Variants in HDAC7 observed in about 807,000 individuals in gnomAD.
HDAC7 encodes the protein histone deacetylase 7.
In HDAC7, 26 loss-of-function variants were observed where a neutral mutation model predicts 115.5. The observed-to-expected ratio is 0.23, with a 90% CI of 0.16 to 0.31. The LOEUF (loss-of-function observed/expected upper bound fraction) is 0.31, where lower values mean the gene tolerates loss of function less well. HDAC7 is among the 10% of genes least tolerant of loss of function. HDAC7 has a pLI of 1.00. For missense variants in HDAC7, 1,068 were observed against 1,329.0 expected, an observed-to-expected ratio of 0.80 and a Z score of 3.05; for synonymous variants, 564 against 550.9, an observed-to-expected ratio of 1.02 and a Z score of -0.33.
chr12:47,816,626 T>G (rs1158291563), intron 1 of HDAC7, among the ~76,000 whole-genome samples: 2 of 152,200 alleles, frequency 1.3e-5, no homozygotes, highest in Non-Finnish European at 2.9e-5. Flanking sequence ...GAATTTATTT[T>G]GCCTCTGGGA....
chr12:47,797,171 CCCCA>C lies in HDAC7; in HGVS notation c.578-33_578-30del. On this transcript the variant is annotated intron_variant, in intron 6 of 25. Transcript: ENST00000080059. The surrounding 1 kb of genome is among the most constrained non-coding windows in gnomAD (Gnocchi z 5.5). Reference sequence around the variant, plus strand: ...CAGGGAGCACCAGCGTCACTCAGGCCCCCACCACCCTTCTTTTTTCCACCCTTTA... The same window carrying C: ...CAGGGAGCACCAGCGTCACTCAGGCCCCACCCTTCTTTTTTCCACCCTTTA... 1 of 1,565,408 alleles carries C rather than the reference CCCCA, an allele frequency of 6.4e-7. No homozygotes were observed. Among genetic ancestry groups the C allele is most frequent in the Non-Finnish European group, 8.7e-7 (1 of 1,154,912 alleles).
chr12:47,815,250 C>T (rs918910983), intron 1 of HDAC7, among the ~76,000 whole-genome samples: 1 of 152,120 alleles, frequency 6.6e-6, no homozygotes, highest in South Asian at 2.1e-4. Context: ...GCCAGGACCC[C>T]AGAGGAAAGA....
chr12:47,810,265 C>T (rs1223860432), intron 1 of HDAC7, among the ~76,000 whole-genome samples: 1 of 152,196 alleles, frequency 6.6e-6, no homozygotes, highest in Non-Finnish European at 1.5e-5. Context: ...TTATTATTCT[C>T]ATTTTGCAAA....
At chr12:47,787,691 C>A (rs2136915696) in intron 21 of HDAC7, 21 bp downstream of exon 21, 1 of 1,575,160 alleles carries the variant, frequency 6.3e-7, no homozygotes, top group East Asian at 2.3e-5. Flanking sequence ...ACTTGCCCCT[C>A]TGGGCCCCCA....
At chr12:47,784,297 G>A (rs1943030912) in intron 24 of HDAC7, 80 bp from the exon 25 acceptor site, 2 of 1,448,106 alleles carry the variant, frequency 1.4e-6, no homozygotes, top group Admixed American at 4.8e-5. Flanking sequence ...TATTGAGGTT[G>A]GTGTCTCAGG....
In HDAC7 at chr12:47,793,535, G is replaced by A. The variant is rs749134101; in HGVS notation, c.1512C>T (p.Thr504=). 1.4e-5 allele frequency: 21 copies of A among 1,547,670 alleles called. No homozygotes were observed. Among genetic ancestry groups the A allele is most frequent in the African/African-American group, 8.2e-5 (6 of 73,030 alleles). Residue 504 remains threonine (T), a synonymous_variant, in exon 13 of 26, where the codon ACC becomes ACT. Coordinates refer to ENST00000080059, the MANE Select transcript of HDAC7 (RefSeq NM_015401.5). The surrounding 1 kb of genome is among the most constrained non-coding windows in gnomAD (Gnocchi z 4.5). ...RLAGRLPRGS[T]GDTVLLPLAQ... ...CCAGAGGAAGCAGCACAGTGTCCCC[G>A]GTGCTGCCCCGGGGGAGCCGCCCAG...
chr12:47,799,107 T>A, intron 2 of HDAC7, 135 bp from the exon 3 acceptor site: 1 of 624,512 alleles, frequency 1.6e-6, no homozygotes, highest in Non-Finnish European at 2.7e-6. Context: ...TTTCCTCACT[T>A]AATCCTGTCG....
intron 1 of HDAC7, among the ~76,000 whole-genome samples, chr12:47,805,519 T>C (rs1944362639): frequency 6.6e-6 from 1 of 152,170 alleles, no homozygotes; most frequent in Non-Finnish European, 1.5e-5. Context: ...TGGTTCTCCT[T>C]CCCTGACATA....
At chr12:47,792,631 C>T (rs1489859689) in intron 13 of HDAC7, 2 of 455,818 alleles carry the variant, frequency 4.4e-6, no homozygotes, top group Non-Finnish European at 8.8e-6. Flanking sequence ...AAAATGCTCA[C>T]ACCATGTGAC....
At chr12:47,786,533 G>T in intron 22 of HDAC7, 52 bp downstream of exon 22, 1 of 1,340,966 alleles carries the variant, frequency 7.5e-7, no homozygotes, top group Non-Finnish European at 1.1e-6. Context: ...CCAACTCCCC[G>T]CACCGCCTGG....
chr12:47,791,405 G>C lies in HDAC7; in HGVS notation c.1934-97C>G, dbSNP rs1019298359. 2.9e-6 allele frequency: 4 copies of C among 1,400,488 alleles called. No individual in the cohort carries two copies. The African/African-American group carries it at 4.3e-5, about 15-fold the overall frequency. 86.8% of individuals were successfully genotyped at this position (1,400,488 alleles called of 1,614,324 possible). ...CAGAGAGCAGGGCCGGGTGAGTATTGGGGGAGAGAAATATGGAAGGGAGAG... is the reference window on the plus strand; with the variant it reads ...CAGAGAGCAGGGCCGGGTGAGTATTCGGGGAGAGAAATATGGAAGGGAGAG... On this transcript the variant is annotated intron_variant, in intron 15 of 25. Coordinates refer to ENST00000080059, the MANE Select transcript of HDAC7 (RefSeq NM_015401.5).
In HDAC7 at chr12:47,803,162, G is replaced by A. The variant is rs1461722521; in HGVS notation, c.20-888C>T. ...TGGAGAAGACAGAGATGAGTCCTGA[G>A]GCCACCTGTCCAGGACAGACACCTT... On this transcript the variant is annotated intron_variant, in intron 1 of 25. Transcript: ENST00000080059. This position sits in a 1 kb window ranked among gnomAD's most constrained non-coding sequence, Gnocchi z 4.0. 1.3e-5 allele frequency among the ~76,000 whole-genome samples: 2 copies of A among 152,172 alleles called. No homozygotes were observed. Among genetic ancestry groups the A allele is most frequent in the African/African-American group, 4.8e-5 (2 of 41,440 alleles).
At position 47,795,210 on chromosome 12, in the gene HDAC7, G is replaced by A. The variant is rs1389238269; in HGVS notation, c.1258C>T (p.Leu420Phe). ...PGPMQPRLEQ[L>F]KTHVQVIKRS... ...TTGATCACCTGGACGTGAGTTTTGAGCTGCTCCAGGCGGGGCTGCATGGGG... is the reference window on the plus strand; with the variant it reads ...TTGATCACCTGGACGTGAGTTTTGAACTGCTCCAGGCGGGGCTGCATGGGG... The change falls in exon 11 of 26, where the codon CTC (leucine) becomes TTC (phenylalanine). Residue 420 changes from leucine (L) to phenylalanine (F), a missense_variant. Leu to Phe is a conservative substitution (Grantham distance 22). This residue lies in a region of HDAC7 where 618 missense variants were observed against 701.5 expected (regional missense o/e 0.88). Coordinates refer to ENST00000080059, the MANE Select transcript of HDAC7 (RefSeq NM_015401.5). This position sits in a 1 kb window ranked among gnomAD's most constrained non-coding sequence, Gnocchi z 4.3. 1 of 1,612,978 alleles carries A rather than the reference G, an allele frequency of 6.2e-7. No individual in the cohort carries two copies. The highest frequency in any genetic ancestry group is 2.2e-5 in the East Asian group (1 of 44,856).
At chr12:47,792,224 C>G (rs767098990) in intron 13 of HDAC7, 11 of 574,204 alleles carry the variant, frequency 1.9e-5, no homozygotes, top group Non-Finnish European at 3.4e-5. Flanking sequence ...CAGGTGGCAG[C>G]AGCCAACACA....
intron 19 of HDAC7, 28 bp from the exon 20 acceptor site, chr12:47,788,192 G>A (rs1565795497): frequency 6.3e-7 from 1 of 1,581,764 alleles, no homozygotes; most frequent in East Asian, 2.2e-5. Flanking sequence ...CAGCGATTAG[G>A]GAAGGCAGAG....
At position 47,798,420 on chromosome 12, in the gene HDAC7, A is replaced by G; in HGVS notation, c.349+142T>C. On this transcript the variant is annotated intron_variant, in intron 4 of 25. Coordinates refer to ENST00000080059, the MANE Select transcript of HDAC7 (RefSeq NM_015401.5). The surrounding 1 kb of genome is among the most constrained non-coding windows in gnomAD (Gnocchi z 4.3). The stretch of plus-strand genomic sequence containing the variant: ...CCACATCCCCCACACATTCACAGGC[A>G]GAGCCCAGGCAAGCAGAGGGAAAGC... 1.4e-6 allele frequency: 1 copy of G among 732,762 alleles called. No homozygotes were observed. Among genetic ancestry groups the G allele is most frequent in the African/African-American group, 1.8e-5 (1 of 56,024 alleles). 45.4% of individuals were successfully genotyped at this position (732,762 alleles called of 1,614,324 possible).
In HDAC7 at chr12:47,783,683, A is replaced by G. The variant is rs1293001723; in HGVS notation, c.*158T>C. The G allele has an allele frequency of 7.8e-6, 6 of 764,698 alleles. No homozygotes were observed. Among genetic ancestry groups the G allele is most frequent in the Non-Finnish European group, 1.3e-5 (6 of 450,040 alleles). 47.4% of individuals were successfully genotyped at this position (764,698 alleles called of 1,614,324 possible). A position where few individuals can be genotyped will look rare whatever the true frequency, so the allele number is the denominator to read the frequency against. On this transcript the variant is annotated 3_prime_UTR_variant, in exon 26 of 26. Coordinates refer to ENST00000080059, the MANE Select transcript of HDAC7 (RefSeq NM_015401.5). ...CCATTCTAGACCCAGGGATTTTCTC[A>G]CGCTCCCTGGGATAACTGTCAAAGC...
intron 20 of HDAC7, 78 bp from the exon 21 acceptor site, chr12:47,787,887 C>G: frequency 6.6e-7 from 1 of 1,519,990 alleles, no homozygotes; most frequent in East Asian, 2.4e-5. Flanking sequence ...GAGCTGCCAG[C>G]CCAGCTCATC....
intron 1 of HDAC7, among the ~76,000 whole-genome samples, chr12:47,805,259 G>GT (rs1555143199): frequency 0.017 from 2,556 of 147,160 alleles, 36 homozygotes; most frequent in Non-Finnish European, 0.026. Context: ...TTGTTTTGTT[G>GT]TTTTTTTTTT....
Sources: gnomAD v4.1 joint callset for allele counts (sites outside exome capture counted in the v4.1 genomes callset) on GRCh38, gnomAD v4.1.1 for gene constraint, gnomAD v4.1.1 regional missense constraint, Gnocchi (gnomAD v3.1) non-coding constraint, MANE v1.5 for transcripts, NCBI Gene and HGNC (gene_info 2026-07-23, HGNC 2026-07-21) for gene names.